The following CDC42BPB variants were observed in gnomAD, a reference collection of about 807,000 sequenced individuals.
CDC42BPB encodes the protein CDC42 binding protein kinase beta.
CDC42BPB carries 37 observed loss-of-function variants against 214.9 expected under a neutral mutation model. The observed-to-expected ratio is 0.17, with a 90% CI of 0.13 to 0.23. The LOEUF is 0.23. Among genes scored for constraint, CDC42BPB ranks in the 10% least tolerant of loss-of-function variants. CDC42BPB has a pLI of 1.00. For missense variants in CDC42BPB, 1,694 were observed against 2,227.0 expected, an observed-to-expected ratio of 0.76 and a Z score of 4.82; for synonymous variants, 931 against 884.0, an observed-to-expected ratio of 1.05 and a Z score of -0.94.
intron 14 of CDC42BPB, among the ~76,000 whole-genome samples, chr14:102,969,947 A>C (rs1386958729): frequency 1.3e-5 from 2 of 152,238 alleles, no homozygotes; most frequent in Non-Finnish European, 2.9e-5. Flanking sequence ...ACAAAGGAAA[A>C]ACATGAACTT....
At chr14:102,961,529 A>C (rs1276492957) in intron 20 of CDC42BPB, among the ~76,000 whole-genome samples, 2 of 143,402 alleles carry the variant, frequency 1.4e-5, no homozygotes, top group East Asian at 4.1e-4. Context: ...GAGATGGCAA[A>C]ACCCCCCCCA....
intron 1 of CDC42BPB, among the ~76,000 whole-genome samples, chr14:103,051,234 C>A (rs750403808): frequency 6.6e-6 from 1 of 151,114 alleles, no homozygotes. Context: ...GGTGTTTCCT[C>A]TCATCCATTC....
intron 1 of CDC42BPB, among the ~76,000 whole-genome samples, chr14:103,046,344 A>G (rs1357582849): frequency 6.6e-6 from 1 of 152,108 alleles, no homozygotes; most frequent in African/African-American, 2.4e-5. Context: ...CTATTTCCTC[A>G]TGGTGAGACT....
intron 9 of CDC42BPB, chr14:102,976,250 G>A (rs1185701069): frequency 7.1e-6 from 7 of 979,820 alleles, no homozygotes; most frequent in South Asian, 4.7e-5. Flanking sequence ...CCTCCCCATC[G>A]CTGGTCAAAG....
intron 8 of CDC42BPB, among the ~76,000 whole-genome samples, chr14:102,979,613 A>G (rs2139510918): frequency 6.6e-6 from 1 of 152,320 alleles, no homozygotes; most frequent in South Asian, 2.1e-4. Context: ...GTTCATGGTC[A>G]TTCATTTCCA....
At chr14:102,983,526 CAAA>C (rs36061149) in intron 7 of CDC42BPB, 27 bp downstream of exon 7, 350 of 1,505,250 alleles carry the variant, frequency 2.3e-4, no homozygotes, top group Admixed American at 9.4e-4. Flanking sequence ...AGCCAGGTAC[CAAA>C]AAAAAAAAAA....
chr14:102,992,584 G>A (rs1023604329), intron 5 of CDC42BPB, among the ~76,000 whole-genome samples: 3 of 152,062 alleles, frequency 2.0e-5, no homozygotes, highest in African/African-American at 4.8e-5. Flanking sequence ...CACGTCACAC[G>A]CTGCAATAAC....
At chr14:102,964,807 G>C (rs1000131401) in intron 18 of CDC42BPB, 157 bp from the exon 19 acceptor site, 1 of 976,334 alleles carries the variant, frequency 1.0e-6, no homozygotes, top group African/African-American at 1.8e-5. Flanking sequence ...TTTTAGTTTT[G>C]ATATTTTATG....
rs1595134181 is a variant in CDC42BPB, at chr14:103,004,195, C to T, written c.352-172G>A. 2.2e-6 allele frequency: 3 copies of T among 1,360,432 alleles called. No individual in the cohort carries two copies. The highest frequency in any genetic ancestry group is 3.0e-5 in the African/African-American group (2 of 67,750). 84.3% of individuals were successfully genotyped at this position (1,360,432 alleles called of 1,614,324 possible). ...TGCTGAGGCTGAGCCATCCCTCATC[C>T]CTTCCTCTCCCAAGCCCCGTGCAAG... On this transcript the variant is annotated intron_variant, in intron 3 of 36. Coordinates refer to ENST00000361246, the MANE Select transcript of CDC42BPB (RefSeq NM_006035.4). The surrounding 1 kb of genome is among the most constrained non-coding windows in gnomAD (Gnocchi z 5.3).
At chr14:103,002,609 A>C (rs968082326) in intron 4 of CDC42BPB, among the ~76,000 whole-genome samples, 2 of 152,066 alleles carry the variant, frequency 1.3e-5, no homozygotes, top group Non-Finnish European at 2.9e-5. Flanking sequence ...ACTGAGCAGG[A>C]AGCGGGGGGG....
At chr14:103,031,212 A>G (rs1887353843) in intron 1 of CDC42BPB, among the ~76,000 whole-genome samples, 1 of 152,140 alleles carries the variant, frequency 6.6e-6, no homozygotes, top group South Asian at 2.1e-4. Flanking sequence ...GTGCTCCTGT[A>G]TCGTCATCTT....
intron 19 of CDC42BPB, 109 bp downstream of exon 19, chr14:102,964,393 G>T: frequency 7.5e-7 from 1 of 1,342,192 alleles, no homozygotes; most frequent in Non-Finnish European, 1.0e-6. Flanking sequence ...AGCAAACGCC[G>T]TGGCCCCGAT....
chr14:103,049,684 G>A (rs1888500394), intron 1 of CDC42BPB, among the ~76,000 whole-genome samples: 1 of 152,174 alleles, frequency 6.6e-6, no homozygotes, highest in Non-Finnish European at 1.5e-5. Flanking sequence ...ATCACCCCAT[G>A]GGGCATGGTG....
At chr14:103,022,981 AC>A (rs1886855617) in intron 1 of CDC42BPB, among the ~76,000 whole-genome samples, 1 of 151,212 alleles carries the variant, frequency 6.6e-6, no homozygotes, top group South Asian at 2.1e-4. Context: ...GCAGCAACCC[AC>A]AGATATAGCT....
chr14:102,945,837 G>C (rs1471553765), intron 28 of CDC42BPB, 113 bp from the exon 29 acceptor site: 2 of 856,856 alleles, frequency 2.3e-6, no homozygotes, highest in Non-Finnish European at 3.9e-6. Flanking sequence ...ATGTGGATGA[G>C]AATACAGCAT....
chr14:102,948,530 GGGTGTAGAGATGAGGGGGAGTGGGGGCTA>G (rs1341448473), intron 26 of CDC42BPB, among the ~76,000 whole-genome samples: 6 of 25,048 alleles, frequency 2.4e-4, no homozygotes, highest in Non-Finnish European at 4.2e-4. Flanking sequence ...GGAGTGGGGT[GGGTGTAGAGATGAGGGGGAGTGGGGGCTA>G]GGTGTGGAGA....
rs533655527 is a variant in CDC42BPB, at chr14:103,042,906, A to G, written c.175+14093T>C. ...TCAACACAGAGCCTTCACACGACCC[A>G]GCAATTCCACTCTGAGGTATACACT... On this transcript the variant is annotated intron_variant, in intron 1 of 36. Coordinates refer to ENST00000361246, the MANE Select transcript of CDC42BPB (RefSeq NM_006035.4). Among the ~76,000 whole-genome samples, 7 of 152,302 alleles carry G rather than the reference A, an allele frequency of 4.6e-5. No homozygotes were observed. In the South Asian group the frequency reaches 1.4e-3, roughly 32 times the overall value.
intron 7 of CDC42BPB, among the ~76,000 whole-genome samples, chr14:102,982,603 T>G (rs1894053482): frequency 6.6e-6 from 1 of 152,164 alleles, no homozygotes. Context: ...ACCCTGTCTC[T>G]ACTACTAATA....
rs1894973703 is a variant in CDC42BPB, at chr14:103,001,386, C to T, written c.448-1673G>A. 6.6e-6 allele frequency among the ~76,000 whole-genome samples: 1 copy of T among 152,160 alleles called. No homozygotes were observed. The highest frequency in any genetic ancestry group is 6.5e-5 in the Admixed American group (1 of 15,286). ...CATGGAGAGCAGGCAGTGGTGAGCG[C>T]CAGCTGACCGCAGGCCGCCTGGTGA... On this transcript the variant is annotated intron_variant, in intron 4 of 36. Coordinates refer to ENST00000361246, the MANE Select transcript of CDC42BPB (RefSeq NM_006035.4). The surrounding 1 kb of genome is among the most constrained non-coding windows in gnomAD (Gnocchi z 5.8).
Sources: gnomAD v4.1 joint callset for allele counts (sites outside exome capture counted in the v4.1 genomes callset) on GRCh38, gnomAD v4.1.1 for gene constraint, Gnocchi (gnomAD v3.1) non-coding constraint, MANE v1.5 for transcripts, NCBI Gene and HGNC (gene_info 2026-07-23, HGNC 2026-07-21) for gene names.